The following ATP2B4 variants were observed in gnomAD, a reference collection of about 807,000 sequenced individuals.
ATP2B4 encodes the protein ATPase plasma membrane Ca2+ transporting 4, also known as plasma membrane calcium-transporting ATPase 4.
A neutral mutation model predicts 110.3 loss-of-function variants in ATP2B4; 39 were observed. That is an observed-to-expected ratio of 0.35 (90% CI 0.27 to 0.46). The LOEUF (loss-of-function observed/expected upper bound fraction) is 0.46. Among genes scored for constraint, ATP2B4 ranks in the 20% least tolerant of loss-of-function variants. The probability of loss-of-function intolerance (pLI) is 1.00; values close to 1 mark genes in which losing one functional copy is unlikely to be tolerated. For missense variants in ATP2B4, 1,135 were observed against 1,530.9 expected, an observed-to-expected ratio of 0.74 and a Z score of 4.32; for synonymous variants, 538 against 571.7, an observed-to-expected ratio of 0.94 and a Z score of 0.84.
At chr1:203,708,935 T>C (rs1025011924) in intron 10 of ATP2B4, among the ~76,000 whole-genome samples, 2 of 152,116 alleles carry the variant, frequency 1.3e-5, no homozygotes, top group Admixed American at 1.3e-4. Flanking sequence ...GGTGGGCAGA[T>C]CACCTGAGGT....
chr1:203,649,212 G>A (rs529237306), intron 1 of ATP2B4, among the ~76,000 whole-genome samples: 41 of 152,248 alleles, frequency 2.7e-4, no homozygotes, highest in African/African-American at 9.1e-4. Context: ...TTCTCTCCAC[G>A]CTGTAGAATG....
chr1:203,654,427 A>G (rs1303495186), intron 1 of ATP2B4, among the ~76,000 whole-genome samples: 3 of 152,208 alleles, frequency 2.0e-5, no homozygotes. Flanking sequence ...CTAACACAAA[A>G]TCTATTCTGC....
In ATP2B4 at chr1:203,683,148, C is replaced by T; in HGVS notation, c.-58C>T. 6.4e-7 allele frequency: 1 copy of T among 1,554,280 alleles called. No individual in the cohort carries two copies. The highest frequency in any genetic ancestry group is 8.7e-7 in the Non-Finnish European group (1 of 1,145,992). On this transcript the variant is annotated 5_prime_UTR_variant, in exon 2 of 21. Coordinates refer to ENST00000357681, the MANE Select transcript of ATP2B4 (RefSeq NM_001684.5). ...AGACAGGGAGGCAGGAGACACTGGT[C>T]AGTTGAAGGGAAACGCTACATCTTC...
At chr1:203,729,107 G>C (rs1206335887) in intron 20 of ATP2B4, among the ~76,000 whole-genome samples, 1 of 151,156 alleles carries the variant, frequency 6.6e-6, no homozygotes, top group Admixed American at 6.6e-5. Flanking sequence ...GACAGATTGA[G>C]AGTTGTCTCA....
chr1:203,639,441 G>A (rs957655080), intron 1 of ATP2B4, among the ~76,000 whole-genome samples: 4 of 152,190 alleles, frequency 2.6e-5, no homozygotes, highest in African/African-American at 7.2e-5. Context: ...CCCAAGCCTG[G>A]GGACTCACAG....
At chr1:203,698,827 G>A (rs1485389508) in intron 3 of ATP2B4, among the ~76,000 whole-genome samples, 1 of 152,014 alleles carries the variant, frequency 6.6e-6, no homozygotes, top group Non-Finnish European at 1.5e-5. Flanking sequence ...AGTAGAGACA[G>A]GGCCTTACCA....
intron 3 of ATP2B4, 84 bp downstream of exon 3, chr1:203,698,438 A>G: frequency 7.0e-7 from 1 of 1,430,368 alleles, no homozygotes; most frequent in Non-Finnish European, 9.8e-7. Flanking sequence ...GGTGGCTGAC[A>G]GGTTATAGCT....
intron 1 of ATP2B4, among the ~76,000 whole-genome samples, chr1:203,665,193 G>A (rs1664467354): frequency 6.6e-6 from 1 of 152,228 alleles, no homozygotes. Flanking sequence ...AAAACTTAGG[G>A]TGGATTTCAT....
chr1:203,695,324 G>A (rs1184160213), intron 2 of ATP2B4, among the ~76,000 whole-genome samples: 3 of 152,208 alleles, frequency 2.0e-5, no homozygotes, highest in Non-Finnish European at 2.9e-5. Context: ...TGCCCCTTTG[G>A]CAAGTCTGCC....
intron 8 of ATP2B4, among the ~76,000 whole-genome samples, chr1:203,704,987 C>T (rs746234517): frequency 1.4e-4 from 22 of 152,180 alleles, no homozygotes; most frequent in Non-Finnish European, 2.2e-4. Flanking sequence ...ACCGCTGATT[C>T]AGTTTGCACA....
intron 1 of ATP2B4, among the ~76,000 whole-genome samples, chr1:203,680,621 A>AAAAAAG (rs1553247035): frequency 6.9e-6 from 1 of 145,156 alleles, no homozygotes. Context: ...AAAAAAAAGA[A>AAAAAAG]AAAAAAGATC....
At chr1:203,675,520 A>G (rs1664802511) in intron 1 of ATP2B4, among the ~76,000 whole-genome samples, 1 of 152,216 alleles carries the variant, frequency 6.6e-6, no homozygotes. Flanking sequence ...CTGGGTCCAC[A>G]GCATGCATAG....
chr1:203,654,522 A>G (rs773328128), intron 1 of ATP2B4, among the ~76,000 whole-genome samples: 3 of 152,234 alleles, frequency 2.0e-5, no homozygotes, highest in African/African-American at 7.2e-5. Context: ...GCCATAGACA[A>G]TGATTCCTCT....
At chr1:203,692,281 C>T (rs1665402733) in intron 2 of ATP2B4, among the ~76,000 whole-genome samples, 1 of 152,104 alleles carries the variant, frequency 6.6e-6, no homozygotes, top group Admixed American at 6.6e-5. Context: ...GGGCTGAGGC[C>T]ATCCTCCTGC....
intron 1 of ATP2B4, among the ~76,000 whole-genome samples, chr1:203,656,129 A>G (rs1328344132): frequency 1.3e-5 from 2 of 151,644 alleles, no homozygotes; most frequent in Non-Finnish European, 2.9e-5. Context: ...AAGCCACAAC[A>G]TATCACAGAT....
intron 8 of ATP2B4, 70 bp from the exon 9 acceptor site, chr1:203,706,939 A>T: frequency 1.5e-6 from 2 of 1,345,172 alleles, no homozygotes; most frequent in Non-Finnish European, 1.0e-6. Flanking sequence ...AACTGATGCC[A>T]ATCTATCTCT....
At position 203,721,256 on chromosome 1, in the gene ATP2B4, T is replaced by A; in HGVS notation, c.2658T>A (p.Ala886=). The change falls in exon 17 of 21, where the codon GCT becomes GCA. Residue 886 remains alanine, a synonymous_variant. Coordinates refer to ENST00000357681, the MANE Select transcript of ATP2B4 (RefSeq NM_001684.5). ...TTAATCTGATCATGGACACTTTTGC[T>A]TCATTGGCCCTGGCCACAGAGCCCC... The part of the protein sequence containing the change: ...LWVNLIMDTF[A]SLALATEPPT... The A allele has an allele frequency of 3.1e-6, 5 of 1,614,232 alleles. No homozygotes were observed. The highest frequency in any genetic ancestry group is 4.2e-6 in the Non-Finnish European group (5 of 1,180,030).
chr1:203,699,783 C>T, intron 4 of ATP2B4, 66 bp downstream of exon 4: 1 of 1,580,540 alleles, frequency 6.3e-7, no homozygotes, highest in Non-Finnish European at 8.6e-7. Context: ...GGTCCTTTGG[C>T]ATGAGGGGGC....
chr1:203,729,948 C>A (rs1250575801), intron 20 of ATP2B4, among the ~76,000 whole-genome samples: 1 of 152,108 alleles, frequency 6.6e-6, no homozygotes, highest in African/African-American at 2.4e-5. Context: ...ATCCACTTGG[C>A]TTCCTTTGGT....
Sources: gnomAD v4.1 joint callset for allele counts (sites outside exome capture counted in the v4.1 genomes callset) on GRCh38, gnomAD v4.1.1 for gene constraint, MANE v1.5 for transcripts, NCBI Gene and HGNC (gene_info 2026-07-23, HGNC 2026-07-21) for gene names.